SYNJ2: variants seen among roughly 807,000 people sequenced by gnomAD.
SYNJ2 encodes synaptojanin 2.
SYNJ2 carries 116 observed loss-of-function variants against 141.3 expected under a neutral mutation model. That is an observed-to-expected ratio of 0.82 (90% CI 0.71 to 0.96). The LOEUF is 0.96. SYNJ2 is among the 40% of genes least tolerant of loss of function. The pLI is 0.00. For missense variants in SYNJ2, 1,873 were observed against 1,934.8 expected, an observed-to-expected ratio of 0.97 and a Z score of 0.60; for synonymous variants, 745 against 777.7, an observed-to-expected ratio of 0.96 and a Z score of 0.70.
chr6:158,043,428 C>T lies in SYNJ2; in HGVS notation c.795+29C>T. ...GGTCATGAAAAAACTTAAATGTCCC[C>T]TTGTGATGTTGTCCGCCCTGCCCTT... On this transcript the variant is annotated intron_variant, in intron 5 of 26. Transcript: ENST00000355585. This position sits in a 1 kb window ranked among gnomAD's most constrained non-coding sequence, Gnocchi z 4.0. 1 of 1,554,598 alleles carries T rather than the reference C, an allele frequency of 6.4e-7. No individual in the cohort carries two copies. The highest frequency in any genetic ancestry group is 8.9e-7 in the Non-Finnish European group (1 of 1,126,814).
chr6:157,984,377 T>C (rs1420600236), intron 1 of SYNJ2, among the ~76,000 whole-genome samples: 1 of 152,222 alleles, frequency 6.6e-6, no homozygotes, highest in Non-Finnish European at 1.5e-5. Flanking sequence ...TGTTTTACTT[T>C]CCTTTCTTGG....
intron 1 of SYNJ2, among the ~76,000 whole-genome samples, chr6:157,983,373 T>C (rs2128312010): frequency 6.6e-6 from 1 of 152,382 alleles, no homozygotes; most frequent in East Asian, 1.9e-4. Context: ...CTGAAGAGTC[T>C]AAGTTTGGTT....
intron 20 of SYNJ2, among the ~76,000 whole-genome samples, chr6:158,082,878 G>A (rs557556083): frequency 2.6e-5 from 4 of 152,216 alleles, no homozygotes; most frequent in African/African-American, 4.8e-5. Flanking sequence ...GATAGTTTCC[G>A]TTTTTATAGT....
chr6:158,012,699 A>G (rs543671618), intron 1 of SYNJ2, among the ~76,000 whole-genome samples: 1 of 152,334 alleles, frequency 6.6e-6, no homozygotes, highest in South Asian at 2.1e-4. Context: ...AAAGGAGACT[A>G]ATATGCTATT....
intron 8 of SYNJ2, among the ~76,000 whole-genome samples, chr6:158,063,350 G>C (rs1781341206): frequency 6.6e-6 from 1 of 152,140 alleles, no homozygotes; most frequent in South Asian, 2.1e-4. Flanking sequence ...TTTCTGGGGG[G>C]CTATTGATGA....
chr6:158,074,253 A>G (rs1434180521), intron 15 of SYNJ2, among the ~76,000 whole-genome samples: 4 of 152,014 alleles, frequency 2.6e-5, no homozygotes, highest in African/African-American at 9.7e-5. Flanking sequence ...AGGAGTAGAC[A>G]CTCCAAAGTA....
At position 158,043,671 on chromosome 6, in the gene SYNJ2, C is replaced by T. The variant is rs116565533; in HGVS notation, c.795+272C>T. Among the ~76,000 whole-genome samples the T allele has an allele frequency of 6.6e-6, 1 of 152,294 alleles. No individual in the cohort carries two copies. Among genetic ancestry groups the T allele is most frequent in the African/African-American group, 2.4e-5 (1 of 41,566 alleles). ...AACCGCTGACTCGGGAACGGTGCTG[C>T]GGTGCCTGCTGAGTGGGTGCCGCGA... is the stretch of plus-strand genomic sequence containing the variant. On this transcript the variant is annotated intron_variant, in intron 5 of 26. Coordinates refer to ENST00000355585, the MANE Select transcript of SYNJ2 (RefSeq NM_003898.4). This position sits in a 1 kb window ranked among gnomAD's most constrained non-coding sequence, Gnocchi z 4.0.
intron 1 of SYNJ2, among the ~76,000 whole-genome samples, chr6:157,988,015 G>A (rs1422140897): frequency 6.6e-6 from 1 of 152,264 alleles, no homozygotes; most frequent in African/African-American, 2.4e-5. Flanking sequence ...AGAGAGGGCC[G>A]AGGGCCATGT....
chr6:158,004,499 T>TA (rs1470326769), intron 1 of SYNJ2, among the ~76,000 whole-genome samples: 1 of 152,174 alleles, frequency 6.6e-6, no homozygotes, highest in African/African-American at 2.4e-5. Flanking sequence ...CTATATCCTC[T>TA]AAAAAGGGGA....
intron 1 of SYNJ2, among the ~76,000 whole-genome samples, chr6:157,996,886 G>A (rs1351306163): frequency 1.3e-5 from 2 of 152,166 alleles, no homozygotes; most frequent in African/African-American, 4.8e-5. Context: ...TTCCCGTATA[G>A]CCTACAGATC....
chr6:158,067,996 A>G, intron 12 of SYNJ2: 1 of 984,916 alleles, frequency 1.0e-6, no homozygotes, highest in Non-Finnish European at 1.2e-6. Flanking sequence ...GCTGGCTGGT[A>G]TTTTGCAGGG....
chr6:158,028,571 G>A (rs1421726898), intron 2 of SYNJ2, 185 bp from the exon 3 acceptor site: 13 of 730,404 alleles, frequency 1.8e-5, no homozygotes, highest in East Asian at 5.4e-5. Context: ...GAGAAGCCCC[G>A]CCTGAAGCTT....
chr6:158,088,053 TTTTTTTTTTTTTTTTTTTTTTTTTTG>T, intron 23 of SYNJ2, among the ~76,000 whole-genome samples: 2 of 65,536 alleles, frequency 3.1e-5, no homozygotes, highest in Admixed American at 3.1e-4. Flanking sequence ...TTTTTTTTTT[TTTTTTTTTTTTTTTTTTTTTTTTTTG>T]AGATGGGCTC....
At chr6:158,021,901 C>A (rs1778793763) in intron 2 of SYNJ2, among the ~76,000 whole-genome samples, 2 of 152,164 alleles carry the variant, frequency 1.3e-5, no homozygotes, top group African/African-American at 4.8e-5. Flanking sequence ...GCAGCATTTG[C>A]CAGTTTCCAA....
intron 25 of SYNJ2, among the ~76,000 whole-genome samples, chr6:158,092,482 A>G (rs1342290101): frequency 6.6e-6 from 1 of 152,224 alleles, no homozygotes; most frequent in East Asian, 1.9e-4. Context: ...CTCTACAAAA[A>G]TTTTAAAATT....
intron 2 of SYNJ2, 180 bp downstream of exon 2, chr6:158,017,470 A>G (rs1778526044): frequency 1.2e-6 from 1 of 858,826 alleles, no homozygotes; most frequent in Non-Finnish European, 1.7e-6. Context: ...GCTGCAGTGC[A>G]ATGGCGCGAT....
chr6:158,028,974 C>G lies in SYNJ2; in HGVS notation c.433C>G (p.Arg145Gly), dbSNP rs199926568. 6 of 1,613,756 alleles carry G rather than the reference C, an allele frequency of 3.7e-6. No homozygotes were observed. In the East Asian group the frequency reaches 1.3e-4, roughly 36 times the overall value. ...NDGSRFDLTV[R>G]TQKQGDDSSE... is the part of the protein sequence containing the mutation. Reference sequence around the variant, plus strand: ...TGGGTCTCGCTTTGACCTGACTGTCCGCACGCAGAAGCAGGGGGATGACAG... The same window carrying G: ...TGGGTCTCGCTTTGACCTGACTGTCGGCACGCAGAAGCAGGGGGATGACAG... Residue 145 changes from arginine (R) to glycine (G), a missense_variant, in exon 3 of 27, where the codon CGC (arginine) becomes GGC (glycine). Physicochemically the swap from Arg to Gly is moderately radical, Grantham distance 125. Coordinates refer to ENST00000355585, the MANE Select transcript of SYNJ2 (RefSeq NM_003898.4).
At chr6:158,091,338 G>A (rs1783435361) in intron 25 of SYNJ2, among the ~76,000 whole-genome samples, 4 of 151,096 alleles carry the variant, frequency 2.6e-5, no homozygotes, top group African/African-American at 9.7e-5. Flanking sequence ...AAGAAAGAAA[G>A]AAAAATAACT....
intron 1 of SYNJ2, among the ~76,000 whole-genome samples, chr6:157,999,583 T>C (rs1232150409): frequency 6.6e-6 from 1 of 152,172 alleles, no homozygotes; most frequent in Non-Finnish European, 1.5e-5. Flanking sequence ...GCTGCGAACA[T>C]CCAGGTGGGG....
Sources: allele counts gnomAD v4.1 joint callset (sites outside exome capture counted in the v4.1 genomes callset), GRCh38; gene constraint gnomAD v4.1.1; non-coding constraint Gnocchi (gnomAD v3.1); transcripts MANE v1.5; gene names NCBI Gene and HGNC (gene_info 2026-07-23, HGNC 2026-07-21).